The following PAN2 variants were observed in gnomAD, a reference collection of about 807,000 sequenced individuals.
The protein encoded by PAN2 is PAN2-PAN3 deadenylation complex catalytic subunit PAN2.
A neutral mutation model predicts 133.3 loss-of-function variants in PAN2; 68 were observed. The observed-to-expected ratio is 0.51, with a 90% CI of 0.42 to 0.62. The LOEUF is 0.62. Among genes scored for constraint, PAN2 ranks in the 20% least tolerant of loss-of-function variants. The pLI, the probability that PAN2 is intolerant of heterozygous loss-of-function variation, is 0.00. For missense variants in PAN2, 1,042 were observed against 1,500.5 expected (o/e 0.69, Z 5.05); for synonymous variants, 462 against 544.6 (o/e 0.85, Z 2.11).
chr12:56,330,088 G>A (rs897971649), intron 2 of PAN2, among the ~76,000 whole-genome samples: 1 of 152,012 alleles, frequency 6.6e-6, no homozygotes, highest in African/African-American at 2.4e-5. Context: ...AGAGGGCCTA[G>A]AATAGTAAAG....
Position 56,323,829 on chromosome 12 carries a change from G to T in PAN2, c.2150C>A (p.Thr717Asn). The change falls in exon 14 of 26, where the codon ACC (threonine) becomes AAC (asparagine). Residue 717 changes from threonine to asparagine, a missense_variant. Physicochemically the swap from Thr to Asn is moderately conservative, Grantham distance 65. Around this residue, in one of 3 missense-constraint regions of PAN2, gnomAD observed 908 missense variants for 1,223.5 expected, o/e 0.74. Transcript: ENST00000440411. ...LDQNTQAWCD[T>N]CEKYQPTIQT... ...CACCGTGGGCTGGTACTTTTCACAG[G>T]TGTCACACCAGGCCTGTGTATTCTG... 1 of 1,613,208 alleles carries T rather than the reference G, an allele frequency of 6.2e-7. No homozygotes were observed. The highest frequency in any genetic ancestry group is 8.5e-7 in the Non-Finnish European group (1 of 1,179,134).
intron 19 of PAN2, 51 bp downstream of exon 19, chr12:56,322,372 A>T: frequency 6.9e-7 from 1 of 1,441,576 alleles, no homozygotes; most frequent in East Asian, 2.3e-5. Flanking sequence ...AAAGATAAGG[A>T]TGCTAGGAAA....
At position 56,332,795 on chromosome 12, in the gene PAN2, A is replaced by G. The variant is rs555997075; in HGVS notation, c.282+18T>C. 1.9e-6 allele frequency: 3 copies of G among 1,610,390 alleles called. No homozygotes were observed. The highest frequency in any genetic ancestry group is 1.1e-5 in the South Asian group (1 of 90,972). On this transcript the variant is annotated intron_variant, in intron 2 of 25. Coordinates refer to ENST00000440411, the MANE Select transcript of PAN2 (RefSeq NM_014871.6). ...CCTTCAACATCTTTCAACCCTCACA[A>G]AGGGGTACAGTTCTTACCCCGTGGC...
At position 56,326,303 on chromosome 12, in the gene PAN2, C is replaced by T. The variant is rs1384563081; in HGVS notation, c.1359+10G>A. On this transcript the variant is annotated intron_variant, in intron 8 of 25. Transcript: ENST00000440411. Reference sequence around the variant, plus strand: ...CCGGGGTCGGGGCTGACCCTCCACTCTGAACACACCTGATTGCGCAGCCTG... The same window carrying T: ...CCGGGGTCGGGGCTGACCCTCCACTTTGAACACACCTGATTGCGCAGCCTG... The T allele has an allele frequency of 1.9e-6, 3 of 1,584,038 alleles. No individual in the cohort carries two copies. Among genetic ancestry groups the T allele is most frequent in the Non-Finnish European group, 2.6e-6 (3 of 1,157,398 alleles).
chr12:56,325,157 A>C, intron 9 of PAN2, 29 bp from the exon 10 acceptor site: 1 of 1,610,292 alleles, frequency 6.2e-7, no homozygotes, highest in East Asian at 2.2e-5. Flanking sequence ...GAGCAAGACA[A>C]GGATATTCTC....
At chr12:56,327,282 G>A in intron 6 of PAN2, 82 bp downstream of exon 6, 1 of 1,461,244 alleles carries the variant, frequency 6.8e-7, no homozygotes, top group Non-Finnish European at 9.5e-7. Flanking sequence ...CAACAAAGAG[G>A]TTTCAGGATG....
Position 56,326,333 on chromosome 12 carries a change from G to A in PAN2, c.1339C>T (p.Arg447Cys), listed in dbSNP as rs762379119. The A allele has an allele frequency of 1.1e-5, 17 of 1,603,022 alleles. No individual in the cohort carries two copies. In the South Asian group the frequency reaches 1.1e-4, roughly 10 times the overall value. Residue 447 changes from arginine to cysteine, a missense_variant, in exon 8 of 26, where the codon CGC (arginine) becomes TGC (cysteine). Transcript: ENST00000440411. ...CACACCTGATTGCGCAGCCTGGTGC[G>A]GGGATTGGGCGCATAGCCAATGAAG... is the stretch of plus-strand genomic sequence containing the variant. ...VGFIGYAPNPRTRLRNQIPYR... is the reference protein window; with the variant it reads ...VGFIGYAPNPCTRLRNQIPYR...
intron 2 of PAN2, among the ~76,000 whole-genome samples, chr12:56,330,353 CTTTTTTTTTT>C (rs10525866): frequency 1.1e-5 from 1 of 92,622 alleles, no homozygotes; most frequent in Non-Finnish European, 1.9e-5. Flanking sequence ...CTGTATTTTT[CTTTTTTTTTT>C]TTTTTTTTTT....
Position 56,323,362 on chromosome 12 carries a change from T to C in PAN2, c.2294A>G (p.Lys765Arg), listed in dbSNP as rs1874772850. Residue 765 changes from lysine to arginine, a missense_variant, in exon 16 of 26, where the codon AAG (lysine) becomes AGG (arginine). Lys to Arg is a conservative substitution (Grantham distance 26, BLOSUM62 2). Transcript: ENST00000440411. ...QAEVAFKMAVKKHGGEISKNK... is the reference protein window; with the variant it reads ...QAEVAFKMAVRKHGGEISKNK... ...CTTGGAGATTTCCCCACCGTGTTTC[T>C]TTACTGCCATCTTGAAGGCAACCTG... 1.2e-6 allele frequency: 2 copies of C among 1,613,918 alleles called. No homozygotes were observed. Among genetic ancestry groups the C allele is most frequent in the Non-Finnish European group, 1.7e-6 (2 of 1,179,990 alleles).
chr12:56,324,708 A>C lies in PAN2; in HGVS notation c.1601T>G (p.Val534Gly), dbSNP rs763676391. ...PNAYCNCMIQVLYFLEPVRCL... is the reference protein window; with the variant it reads ...PNAYCNCMIQGLYFLEPVRCL... Reference sequence around the variant, plus strand: ...GCGTACAGGCTCCAGGAAATAGAGCACCTGGAGGGAAAAGCAGAAGAACTG... The same window carrying C: ...GCGTACAGGCTCCAGGAAATAGAGCCCCTGGAGGGAAAAGCAGAAGAACTG... The change falls in exon 11 of 26, where the codon GTG (valine) becomes GGG (glycine). Residue 534 changes from valine to glycine, a missense_variant and splice_region_variant. Val to Gly is a moderately radical substitution (Grantham distance 109). Around this residue, in one of 3 missense-constraint regions of PAN2, gnomAD observed 908 missense variants for 1,223.5 expected, o/e 0.74. Coordinates refer to ENST00000440411, the MANE Select transcript of PAN2 (RefSeq NM_014871.6). 4 of 1,611,658 alleles carry C rather than the reference A, an allele frequency of 2.5e-6. No homozygotes were observed. The highest frequency in any genetic ancestry group is 3.4e-6 in the Non-Finnish European group (4 of 1,179,162).
In PAN2 at chr12:56,322,600, T is replaced by C; in HGVS notation, c.2637+15A>G. 6.2e-7 allele frequency: 1 copy of C among 1,614,062 alleles called. No homozygotes were observed. Among genetic ancestry groups the C allele is most frequent in the Non-Finnish European group, 8.5e-7 (1 of 1,179,942 alleles). ...CCATCCCAGGAGTGTTCCTGCCCTC[T>C]ACAACCTCACTCACCTCCTTGCGCT... is the stretch of plus-strand genomic sequence containing the variant. On this transcript the variant is annotated intron_variant, in intron 18 of 25. Transcript: ENST00000440411.
intron 17 of PAN2, 87 bp from the exon 18 acceptor site, chr12:56,322,845 A>G: frequency 1.9e-6 from 1 of 526,390 alleles, no homozygotes; most frequent in East Asian, 4.5e-5. Flanking sequence ...AGTTGGGGGT[A>G]TGGGGGATGG....
At chr12:56,318,651 C>T (rs1239599282) in intron 24 of PAN2, 2 of 522,734 alleles carry the variant, frequency 3.8e-6, no homozygotes, top group Non-Finnish European at 6.7e-6. Context: ...CCCATTTTGT[C>T]CTCTAACACT....
chr12:56,320,745 CTTTTTTTTTTT>C (rs764563787), intron 20 of PAN2, among the ~76,000 whole-genome samples: 1 of 115,196 alleles, frequency 8.7e-6, no homozygotes, highest in Non-Finnish European at 1.7e-5. Flanking sequence ...CTTACAGCTG[CTTTTTTTTTTT>C]TTTTTTTTTT....
At chr12:56,322,319 TCCTC>T in intron 19 of PAN2, 100 bp downstream of exon 19, 1 of 1,131,724 alleles carries the variant, frequency 8.8e-7, no homozygotes, top group Non-Finnish European at 1.3e-6. Flanking sequence ...GAGGATTCCT[TCCTC>T]CCTCCCTGTT....
At chr12:56,330,952 C>T (rs888589052) in intron 2 of PAN2, among the ~76,000 whole-genome samples, 2 of 152,208 alleles carry the variant, frequency 1.3e-5, no homozygotes, top group South Asian at 4.1e-4. Flanking sequence ...GAACCTGCCA[C>T]CACACCCAGC....
In PAN2 at chr12:56,328,042, T is replaced by C; in HGVS notation, c.604A>G (p.Met202Val). ...YAVETPGVTI[M>V]RQTNRFFFCG... Reference sequence around the variant, plus strand: ...AAGAAGAAGCGATTTGTCTGTCTCATGATGGTGACTCCAGGCGTCTCTACT... The same window carrying C: ...AAGAAGAAGCGATTTGTCTGTCTCACGATGGTGACTCCAGGCGTCTCTACT... Residue 202 changes from methionine to valine, a missense_variant, in exon 5 of 26, where the codon ATG (methionine) becomes GTG (valine). By Grantham distance (21) the Met-to-Val change is conservative (BLOSUM62 1). Transcript: ENST00000440411. 6.2e-7 allele frequency: 1 copy of C among 1,613,940 alleles called. No homozygotes were observed. Among genetic ancestry groups the C allele is most frequent in the East Asian group, 2.2e-5 (1 of 44,882 alleles).
In PAN2 at chr12:56,326,377, C is replaced by A; in HGVS notation, c.1295G>T (p.Arg432Leu). 6.2e-7 allele frequency: 1 copy of A among 1,601,816 alleles called. No individual in the cohort carries two copies. The highest frequency in any genetic ancestry group is 8.5e-7 in the Non-Finnish European group (1 of 1,172,310). Residue 432 changes from arginine (R) to leucine (L), a missense_variant, in exon 8 of 26, where the codon CGC (arginine) becomes CTC (leucine). By Grantham distance (102) the Arg-to-Leu change is moderately radical. Coordinates refer to ENST00000440411, the MANE Select transcript of PAN2 (RefSeq NM_014871.6). ...AATGAAGCCCACCTTCTTCATGGTG[C>A]GCAGAATCTCTGCATCCACGGGTGG... ...RAPPVDAEIL[R>L]TMKKVGFIGY...
Position 56,332,863 on chromosome 12 carries a change from C to T in PAN2, c.232G>A (p.Val78Ile), listed in dbSNP as rs202171087. ...VVAEVGVPVS[V>I]SHFDLHEEML... ...TCCTCGTGCAAGTCAAAGTGGGAGACGGAAACAGGTACACCCACTTCAGCC... is the reference window on the plus strand; with the variant it reads ...TCCTCGTGCAAGTCAAAGTGGGAGATGGAAACAGGTACACCCACTTCAGCC... Residue 78 changes from valine to isoleucine, a missense_variant, in exon 2 of 26, where the codon GTC (valine) becomes ATC (isoleucine). Transcript: ENST00000440411. The T allele has an allele frequency of 1.4e-5, 23 of 1,614,148 alleles. No homozygotes were observed. The Middle Eastern group carries it at 6.6e-4, about 46-fold the overall frequency.
Sources: allele counts gnomAD v4.1 joint callset (sites outside exome capture counted in the v4.1 genomes callset), GRCh38; gene constraint gnomAD v4.1.1; regional missense constraint gnomAD v4.1.1; transcripts MANE v1.5; gene names NCBI Gene and HGNC (gene_info 2026-07-23, HGNC 2026-07-21).